KCNQ5: variants seen among roughly 807,000 people sequenced by gnomAD.
KCNQ5 encodes the protein potassium voltage-gated channel subfamily Q member 5.
Under a neutral mutation model 98.2 loss-of-function variants are expected in KCNQ5, and 30 were observed. That is an observed-to-expected ratio of 0.31 (90% CI 0.23 to 0.41). The LOEUF (loss-of-function observed/expected upper bound fraction) is 0.41, where lower values mean the gene tolerates loss of function less well. Ranked by LOEUF, KCNQ5 falls within the 10% of genes least tolerant of loss-of-function variation. KCNQ5 has a pLI of 1.00. For synonymous variants in KCNQ5, 458 were observed against 449.4 expected (o/e 1.02, Z -0.24); for missense variants, 835 against 1,182.5 (o/e 0.71, Z 4.31).
intron 1 of KCNQ5, among the ~76,000 whole-genome samples, chr6:72,878,983 T>A (rs1431097868): frequency 6.6e-6 from 1 of 152,224 alleles, no homozygotes; most frequent in Non-Finnish European, 1.5e-5. Context: ...AATGTTATAG[T>A]CATATTTTGG....
intron 1 of KCNQ5, among the ~76,000 whole-genome samples, chr6:72,787,536 A>AT (rs1773816468): frequency 6.8e-6 from 1 of 146,836 alleles, no homozygotes; most frequent in African/African-American, 2.7e-5. Flanking sequence ...AAGTATCAGT[A>AT]TTTAAAAAAA....
intron 1 of KCNQ5, among the ~76,000 whole-genome samples, chr6:72,817,884 A>T (rs1319187048): frequency 1.3e-5 from 2 of 152,078 alleles, no homozygotes; most frequent in East Asian, 3.9e-4. Flanking sequence ...AGAGAGCAAG[A>T]CTCTGACTCA....
At chr6:73,055,554 T>C in intron 3 of KCNQ5, 1 of 1,439,680 alleles carries the variant, frequency 6.9e-7, no homozygotes, top group South Asian at 1.1e-5. Context: ...TGTGAGAGTC[T>C]GAAGGACACT....
chr6:72,800,421 T>C (rs1468662749), intron 1 of KCNQ5, among the ~76,000 whole-genome samples: 1 of 152,062 alleles, frequency 6.6e-6, no homozygotes, highest in East Asian at 1.9e-4. Flanking sequence ...GTAGAGGTGT[T>C]TGTAGTATTC....
intron 1 of KCNQ5, among the ~76,000 whole-genome samples, chr6:72,641,500 C>T (rs1268942169): frequency 2.0e-5 from 3 of 152,026 alleles, no homozygotes; most frequent in African/African-American, 7.2e-5. Flanking sequence ...CCAAGACAGA[C>T]GTAAGTAGGA....
chr6:72,636,638 T>A (rs1246859177), intron 1 of KCNQ5, among the ~76,000 whole-genome samples: 2 of 152,204 alleles, frequency 1.3e-5, no homozygotes, highest in Non-Finnish European at 2.9e-5. Context: ...GCTTTCTGGT[T>A]TGTAAAATTA....
intron 1 of KCNQ5, among the ~76,000 whole-genome samples, chr6:72,696,739 T>C (rs1768526957): frequency 6.6e-6 from 1 of 152,162 alleles, no homozygotes; most frequent in African/African-American, 2.4e-5. Flanking sequence ...CATACTTGGA[T>C]TTATAATTGG....
At chr6:73,018,179 A>T (rs1360065216) in intron 2 of KCNQ5, among the ~76,000 whole-genome samples, 1 of 152,042 alleles carries the variant, frequency 6.6e-6, no homozygotes, top group Non-Finnish European at 1.5e-5. Flanking sequence ...AGTTAATTAC[A>T]CCTCTATAAG....
rs558321698 is a variant in KCNQ5 at position 72,856,339 on chromosome 6, GT to G, written c.399-147560del. ...ATGAATTTTAGTTTCTTAGATAAGA[GT>G]TTTTTTTTCATAATTGGAAAATGTA... On this transcript the variant is annotated intron_variant, in intron 1 of 13. Transcript: ENST00000370398. 3.7e-3 allele frequency among the ~76,000 whole-genome samples: 553 copies of G among 150,122 alleles called. 9 individuals carry two copies. The highest frequency in any genetic ancestry group is 0.034 in the South Asian group (160 of 4,740).
intron 1 of KCNQ5, among the ~76,000 whole-genome samples, chr6:72,687,370 T>A (rs981471523): frequency 6.6e-6 from 1 of 152,230 alleles, no homozygotes; most frequent in African/African-American, 2.4e-5. Context: ...TATACTTCTA[T>A]TTAATCTGTT....
chr6:73,022,558 A>G (rs1269410492), intron 2 of KCNQ5, among the ~76,000 whole-genome samples: 1 of 152,102 alleles, frequency 6.6e-6, no homozygotes, highest in Non-Finnish European at 1.5e-5. Flanking sequence ...GCAGTGAGCT[A>G]TGATCATGCC....
Position 73,189,955 on chromosome 6 carries a change from C to T in KCNQ5, c.1578-618C>T, listed in dbSNP as rs138933672. ...GCTGAGGCAGGAGGATTGCTTGAGC[C>T]CAAGAGTTAGAGCCTGGGCAACACA... is the stretch of plus-strand genomic sequence containing the variant. On this transcript the variant is annotated intron_variant, in intron 11 of 13. Transcript: ENST00000370398. 4.5e-3 allele frequency among the ~76,000 whole-genome samples: 681 copies of T among 150,620 alleles called. 6 individuals are homozygous for T. The highest frequency in any genetic ancestry group is 0.015 in the African/African-American group (616 of 40,856).
intron 1 of KCNQ5, among the ~76,000 whole-genome samples, chr6:72,947,190 C>T (rs1027553298): frequency 1.3e-4 from 20 of 152,116 alleles, no homozygotes; most frequent in Non-Finnish European, 4.4e-5. Context: ...ATTTTTCTAA[C>T]ATTGAAACTA....
chr6:73,170,005 T>C (rs746586406), intron 11 of KCNQ5, 151 bp downstream of exon 11: 24 of 630,868 alleles, frequency 3.8e-5, no homozygotes, highest in Admixed American at 1.6e-4. Flanking sequence ...TTGTGAAATA[T>C]TTGTTTCTTA....
At chr6:73,169,690 A>G in intron 10 of KCNQ5, 56 bp from the exon 11 acceptor site, 5 of 1,272,980 alleles carry the variant, frequency 3.9e-6, no homozygotes, top group Non-Finnish European at 5.8e-6. Context: ...AAAATTCAGC[A>G]ACATGTTTCA....
At chr6:73,084,823 A>C (rs1230385843) in intron 5 of KCNQ5, among the ~76,000 whole-genome samples, 1 of 152,184 alleles carries the variant, frequency 6.6e-6, no homozygotes, top group African/African-American at 2.4e-5. Context: ...AACCTAAATG[A>C]AACTAATCAT....
At chr6:72,716,516 C>T (rs926352307) in intron 1 of KCNQ5, among the ~76,000 whole-genome samples, 1 of 152,178 alleles carries the variant, frequency 6.6e-6, no homozygotes, top group African/African-American at 2.4e-5. Context: ...GCTCTAGGGG[C>T]TTCTTCATGG....
intron 1 of KCNQ5, among the ~76,000 whole-genome samples, chr6:72,635,014 A>G (rs2154471730): frequency 6.6e-6 from 1 of 151,940 alleles, no homozygotes; most frequent in South Asian, 2.1e-4. Context: ...TTATCTGAAT[A>G]ATAATTTGTT....
chr6:73,179,050 T>C (rs1315974411), intron 11 of KCNQ5, among the ~76,000 whole-genome samples: 10 of 152,166 alleles, frequency 6.6e-5, no homozygotes, highest in Non-Finnish European at 1.5e-4. Context: ...AGGATGAGCC[T>C]TGGGGTCCGT....
Sources: gnomAD v4.1 joint callset for allele counts (sites outside exome capture counted in the v4.1 genomes callset) on GRCh38, gnomAD v4.1.1 for gene constraint, MANE v1.5 for transcripts, NCBI Gene and HGNC (gene_info 2026-07-23, HGNC 2026-07-21) for gene names.